PGM5: variants seen among roughly 807,000 people sequenced by gnomAD.
PGM5 encodes the protein phosphoglucomutase 5.
Under a neutral mutation model 59.2 loss-of-function variants are expected in PGM5, and 23 were observed. The ratio of observed to expected loss-of-function variants is 0.39; its 90% CI spans 0.28 to 0.55. PGM5 has a LOEUF of 0.55. PGM5 is among the 20% of genes least tolerant of loss of function. The pLI, the probability that PGM5 is intolerant of heterozygous loss-of-function variation, is 0.66. For missense variants in PGM5, 574 were observed against 748.3 expected (o/e 0.77, Z 2.72); for synonymous variants, 214 against 286.0 (o/e 0.75, Z 2.54).
chr9:68,451,087 C>T (rs1240246307), intron 6 of PGM5, among the ~76,000 whole-genome samples: 1 of 152,124 alleles, frequency 6.6e-6, no homozygotes, highest in African/African-American at 2.4e-5. Context: ...ACTTGAACAT[C>T]CATACACAAA....
intron 10 of PGM5, among the ~76,000 whole-genome samples, chr9:68,501,986 T>G (rs1405290637): frequency 6.6e-6 from 1 of 152,254 alleles, no homozygotes; most frequent in Non-Finnish European, 1.5e-5. Flanking sequence ...CACATGTAGA[T>G]TTTCCATTTG....
intron 6 of PGM5, among the ~76,000 whole-genome samples, chr9:68,450,971 G>A (rs2132070034): frequency 6.6e-6 from 1 of 152,334 alleles, no homozygotes; most frequent in African/African-American, 2.4e-5. Context: ...AATATTGTAG[G>A]AATGGTGGAG....
At chr9:68,373,586 T>C (rs1821795509) in intron 1 of PGM5, among the ~76,000 whole-genome samples, 1 of 152,216 alleles carries the variant, frequency 6.6e-6, no homozygotes. Context: ...GACATAATTT[T>C]ATACTGTAAT....
intron 6 of PGM5, among the ~76,000 whole-genome samples, chr9:68,426,277 G>T (rs1389490610): frequency 6.6e-6 from 1 of 151,510 alleles, no homozygotes; most frequent in African/African-American, 2.4e-5. Context: ...AAAAAAAAGA[G>T]GATGTCACAA....
intron 6 of PGM5, among the ~76,000 whole-genome samples, chr9:68,399,843 T>C (rs1554680408): frequency 6.6e-6 from 1 of 152,164 alleles, no homozygotes; most frequent in African/African-American, 2.4e-5. Context: ...TTAACATGTA[T>C]AAATAGCAAC....
At chr9:68,394,288 A>T (rs1180442165) in intron 6 of PGM5, 2 of 152,076 alleles carry the variant, frequency 1.3e-5, no homozygotes, top group Non-Finnish European at 2.9e-5. Context: ...ATAGCCACAA[A>T]ATCCAGAAGA....
At position 68,499,773 on chromosome 9, in the gene PGM5, C is replaced by T. The variant is rs192443488; in HGVS notation, c.1614+412C>T. On this transcript the variant is annotated intron_variant, in intron 10 of 10. Transcript: ENST00000396396. ...GGACCATGACCTTGAGGTGCCAATA[C>T]AGATGGGCTTTGTCTCTGAGATTGC... is the stretch of plus-strand genomic sequence containing the variant. Among the ~76,000 whole-genome samples the T allele has an allele frequency of 2.0e-5, 3 of 152,290 alleles. No individual in the cohort carries two copies. In the East Asian group the frequency reaches 5.8e-4, roughly 29 times the overall value.
intron 6 of PGM5, among the ~76,000 whole-genome samples, chr9:68,418,573 C>T (rs942834252): frequency 2.6e-5 from 4 of 152,120 alleles, no homozygotes; most frequent in Non-Finnish European, 4.4e-5. Flanking sequence ...GAAGAAATCT[C>T]CGATGCTGCA....
chr9:68,402,186 C>A (rs1204626152), intron 6 of PGM5, among the ~76,000 whole-genome samples: 1 of 152,162 alleles, frequency 6.6e-6, no homozygotes, highest in Non-Finnish European at 1.5e-5. Context: ...ATCGCTTAAA[C>A]CTGGGAGGCA....
At chr9:68,394,169 G>A (rs1428987448) in intron 6 of PGM5, 1 of 152,078 alleles carries the variant, frequency 6.6e-6, no homozygotes, top group African/African-American at 2.4e-5. Flanking sequence ...TAATCTGGGT[G>A]GTGGTTACAT....
At chr9:68,401,935 A>T (rs1428517789) in intron 6 of PGM5, among the ~76,000 whole-genome samples, 3 of 147,212 alleles carry the variant, frequency 2.0e-5, no homozygotes, top group East Asian at 2.1e-4. Context: ...GTGTGTATAT[A>T]TTTGTCAAGG....
At chr9:68,434,152 A>T (rs1201776129) in intron 6 of PGM5, among the ~76,000 whole-genome samples, 1 of 151,352 alleles carries the variant, frequency 6.6e-6, no homozygotes, top group Admixed American at 6.6e-5. Context: ...CCCTGTCTCT[A>T]CTAAAAATAC....
At chr9:68,506,741 A>G (rs1357185412) in intron 10 of PGM5, among the ~76,000 whole-genome samples, 1 of 152,208 alleles carries the variant, frequency 6.6e-6, no homozygotes, top group Non-Finnish European at 1.5e-5. Flanking sequence ...TTCAGAAGTG[A>G]TGCAAATCCA....
chr9:68,376,475 C>CTGTGTA (rs1215951897), intron 1 of PGM5, among the ~76,000 whole-genome samples: 9 of 129,648 alleles, frequency 6.9e-5, no homozygotes, highest in African/African-American at 2.3e-4. Flanking sequence ...TGCTTTTGAG[C>CTGTGTA]TGTGTGTGTG....
At chr9:68,367,324 T>A (rs1274900743) in intron 1 of PGM5, among the ~76,000 whole-genome samples, 15 of 152,070 alleles carry the variant, frequency 9.9e-5, no homozygotes, top group Non-Finnish European at 2.1e-4. Flanking sequence ...GCCCACCCCA[T>A]GGCCCTCTAC....
intron 4 of PGM5, among the ~76,000 whole-genome samples, chr9:68,391,166 A>G (rs1786698966): frequency 1.3e-5 from 2 of 151,866 alleles, no homozygotes; most frequent in South Asian, 4.2e-4. Flanking sequence ...GAACATTGCT[A>G]GAGCCCTTTA....
At chr9:68,417,620 A>T (rs1554682078) in intron 6 of PGM5, among the ~76,000 whole-genome samples, 2 of 152,192 alleles carry the variant, frequency 1.3e-5, no homozygotes, top group African/African-American at 4.8e-5. Context: ...AGATTAGTAC[A>T]TTACACACCT....
At chr9:68,421,178 C>G (rs190919401) in intron 6 of PGM5, among the ~76,000 whole-genome samples, 1 of 152,300 alleles carries the variant, frequency 6.6e-6, no homozygotes, top group Non-Finnish European at 1.5e-5. Context: ...CACTCTGCCC[C>G]GTTCACTGAT....
intron 6 of PGM5, among the ~76,000 whole-genome samples, chr9:68,452,115 G>T (rs1328683691): frequency 1.3e-5 from 2 of 152,172 alleles, no homozygotes; most frequent in Admixed American, 1.3e-4. Context: ...TCCACTGTAG[G>T]CTGTGGGATT....
Sources: gnomAD v4.1 joint callset for allele counts (sites outside exome capture counted in the v4.1 genomes callset) on GRCh38, gnomAD v4.1.1 for gene constraint, MANE v1.5 for transcripts, NCBI Gene and HGNC (gene_info 2026-07-23, HGNC 2026-07-21) for gene names.